The following C12orf56 variants were observed in gnomAD, a reference collection of about 807,000 sequenced individuals.
C12orf56 encodes chromosome 12 open reading frame 56.
A neutral mutation model predicts 69.9 loss-of-function variants in C12orf56; 71 were observed. That is an observed-to-expected ratio of 1.02 (90% CI 0.84 to 1.24). The LOEUF is 1.24. Ranked by LOEUF, C12orf56 falls within the 50% of genes most tolerant of loss-of-function variation. The probability of loss-of-function intolerance (pLI) is 0.00; values close to 1 mark genes in which losing one functional copy is unlikely to be tolerated. For missense variants in C12orf56, 732 were observed against 738.5 expected (o/e 0.99, Z 0.10); for synonymous variants, 276 against 274.1 (o/e 1.01, Z -0.07).
intron 1 of C12orf56, among the ~76,000 whole-genome samples, chr12:64,357,729 A>T (rs2039338520): frequency 6.6e-6 from 1 of 151,552 alleles, no homozygotes; most frequent in Non-Finnish European, 1.5e-5. Context: ...AGACCCCCCC[A>T]ATCTCTACTA....
chr12:64,293,009 G>A (rs1331516687), intron 6 of C12orf56, among the ~76,000 whole-genome samples: 6 of 151,238 alleles, frequency 4.0e-5, no homozygotes, highest in Non-Finnish European at 5.9e-5. Flanking sequence ...GCGAGACTCC[G>A]TGGGCGTAGG....
intron 1 of C12orf56, among the ~76,000 whole-genome samples, chr12:64,366,037 T>C (rs1233637174): frequency 4.9e-5 from 6 of 122,588 alleles, no homozygotes; most frequent in African/African-American, 6.5e-5. Flanking sequence ...TAATATATAG[T>C]TTATATATTA....
intron 1 of C12orf56, among the ~76,000 whole-genome samples, chr12:64,377,193 C>CT (rs751240899): frequency 0.021 from 2,690 of 128,178 alleles, 80 homozygotes; most frequent in African/African-American, 0.055. Context: ...CCTTTGCCCA[C>CT]TTTTTTTTTT....
chr12:64,379,175 T>A (rs554796863), intron 1 of C12orf56, among the ~76,000 whole-genome samples: 1 of 152,340 alleles, frequency 6.6e-6, no homozygotes, highest in Admixed American at 6.5e-5. Context: ...TATTTGTTAG[T>A]GCAGCTTAAT....
chr12:64,362,768 C>A (rs531705041), intron 1 of C12orf56, among the ~76,000 whole-genome samples: 1 of 152,148 alleles, frequency 6.6e-6, no homozygotes, highest in East Asian at 1.9e-4. Context: ...CAATTTATTT[C>A]TTGATTATAT....
At position 64,367,096 on chromosome 12, in the gene C12orf56, C is replaced by G. The variant is rs184521278; in HGVS notation, c.253-14040G>C. 1.2e-3 allele frequency among the ~76,000 whole-genome samples: 23 copies of G among 18,670 alleles called. 5 individuals are homozygous for G. Among genetic ancestry groups the G allele is most frequent in the African/African-American group, 3.2e-3 (19 of 5,964 alleles). The allele number at this position is 18,670 out of a possible 152,430, so 12.2% of individuals were successfully genotyped here. The stretch of plus-strand genomic sequence containing the variant: ...CTTTATATATTATATATAACATACA[C>G]TTTATATATTATATATAACATACAC... On this transcript the variant is annotated intron_variant, in intron 1 of 12. Coordinates refer to ENST00000543942, the MANE Select transcript of C12orf56 (RefSeq NM_001170633.2).
rs527318692 is a variant in C12orf56, at chr12:64,295,487, C to A, written c.1113+8148G>T. On this transcript the variant is annotated intron_variant, in intron 6 of 12. Coordinates refer to ENST00000543942, the MANE Select transcript of C12orf56 (RefSeq NM_001170633.2). ...GCAACATGGTGAAACCCCTTTCCTA[C>A]AAAAAAAACAAAAATTAGCCCAGCA... Among the ~76,000 whole-genome samples, 64 of 151,496 alleles carry A rather than the reference C, an allele frequency of 4.2e-4. 1 individual carries two copies. The highest frequency in any genetic ancestry group is 1.5e-3 in the African/African-American group (63 of 41,332).
chr12:64,332,730 A>G (rs1456633694), intron 2 of C12orf56, among the ~76,000 whole-genome samples: 2 of 152,180 alleles, frequency 1.3e-5, no homozygotes, highest in Non-Finnish European at 2.9e-5. Flanking sequence ...GTCTGGGCCA[A>G]TCAATGTCTT....
chr12:64,373,594 A>G (rs186408791), intron 1 of C12orf56, among the ~76,000 whole-genome samples: 6 of 152,262 alleles, frequency 3.9e-5, no homozygotes, highest in Admixed American at 3.9e-4. Flanking sequence ...TTCAGCTTCC[A>G]TGGTCCTTTC....
chr12:64,379,257 A>G (rs2039679904), intron 1 of C12orf56, among the ~76,000 whole-genome samples: 1 of 152,054 alleles, frequency 6.6e-6, no homozygotes, highest in African/African-American at 2.4e-5. Flanking sequence ...GCCTGCCTTC[A>G]TGAAGCTTCT....
intron 1 of C12orf56, among the ~76,000 whole-genome samples, chr12:64,361,195 G>C (rs1454819758): frequency 6.6e-6 from 1 of 152,108 alleles, no homozygotes; most frequent in Non-Finnish European, 1.5e-5. Context: ...CTCCAGCCTG[G>C]AGACAAAGTG....
At chr12:64,303,132 G>A (rs1366040492) in intron 6 of C12orf56, among the ~76,000 whole-genome samples, 1 of 151,862 alleles carries the variant, frequency 6.6e-6, no homozygotes, top group African/African-American at 2.4e-5. Flanking sequence ...AAATTAGCTG[G>A]GCGTGGTAGT....
intron 1 of C12orf56, among the ~76,000 whole-genome samples, chr12:64,358,226 G>A (rs1218104884): frequency 6.6e-6 from 1 of 152,076 alleles, no homozygotes; most frequent in Non-Finnish European, 1.5e-5. Context: ...TTGGGAGGCC[G>A]AGGTGGGCGG....
chr12:64,310,411 C>G (rs2038591604), intron 5 of C12orf56, among the ~76,000 whole-genome samples: 1 of 152,158 alleles, frequency 6.6e-6, no homozygotes. Context: ...TTCTATTAAG[C>G]CTTCCGCATT....
chr12:64,340,672 A>G (rs568928030), intron 2 of C12orf56, among the ~76,000 whole-genome samples: 1 of 152,366 alleles, frequency 6.6e-6, no homozygotes, highest in African/African-American at 2.4e-5. Flanking sequence ...GTACAAGTGT[A>G]TACATGCACA....
intron 1 of C12orf56, among the ~76,000 whole-genome samples, chr12:64,373,805 TG>T (rs955016789): frequency 3.3e-5 from 5 of 152,226 alleles, no homozygotes; most frequent in Admixed American, 1.3e-4. Context: ...TTTATTTATA[TG>T]TTTTTTTAAT....
At chr12:64,373,273 G>C (rs1235525051) in intron 1 of C12orf56, among the ~76,000 whole-genome samples, 1 of 152,030 alleles carries the variant, frequency 6.6e-6, no homozygotes, top group Non-Finnish European at 1.5e-5. Flanking sequence ...TGGGCAATAT[G>C]GTGAAACCCT....
chr12:64,366,037 TTTATATATTATATATAATATATAGC>T (rs796471256), intron 1 of C12orf56, among the ~76,000 whole-genome samples: 16,792 of 122,486 alleles, frequency 0.14, 1,861 homozygotes, highest in East Asian at 0.34. Context: ...TAATATATAG[TTTATATATTATATATAATATATAGC>T]TTGTATAATA....
chr12:64,376,443 TATA>T (rs1296317442), intron 1 of C12orf56, among the ~76,000 whole-genome samples: 1 of 152,218 alleles, frequency 6.6e-6, no homozygotes, highest in East Asian at 1.9e-4. Flanking sequence ...TGAGCCTAGT[TATA>T]ATGATTTAAA....
Sources: gnomAD v4.1 joint callset for allele counts (sites outside exome capture counted in the v4.1 genomes callset) on GRCh38, gnomAD v4.1.1 for gene constraint, MANE v1.5 for transcripts, NCBI Gene and HGNC (gene_info 2026-07-23, HGNC 2026-07-21) for gene names.